Variants in LCOR observed in about 807,000 individuals in gnomAD.
LCOR encodes ligand dependent nuclear receptor corepressor, also known as ligand-dependent corepressor.
LCOR carries 14 observed loss-of-function variants against 64.4 expected under a neutral mutation model. The observed-to-expected ratio is 0.22, with a 90% CI of 0.14 to 0.34. The LOEUF is 0.34. Ranked by LOEUF, LCOR falls within the 10% of genes least tolerant of loss-of-function variation. LCOR has a pLI of 1.00. For missense variants in LCOR, 1,686 were observed against 1,765.3 expected (o/e 0.96, Z 0.80); for synonymous variants, 643 against 642.5 (o/e 1.00, Z -0.01).
chr10:96,833,308 C>A, intron 1 of LCOR, 98 bp from the exon 2 acceptor site: 1 of 948,416 alleles, frequency 1.1e-6, no homozygotes, highest in Non-Finnish European at 1.3e-6. Flanking sequence ...TTTTTCCCTG[C>A]GGGCCGGAGG....
intron 2 of LCOR, among the ~76,000 whole-genome samples, chr10:96,838,481 G>A (rs889677266): frequency 3.9e-5 from 6 of 152,022 alleles, no homozygotes; most frequent in East Asian, 3.8e-4. Context: ...TCCACATTCC[G>A]TTCTTCCTAT....
At chr10:96,832,856 G>GTCC (rs1400489636) in intron 1 of LCOR, 43 of 371,514 alleles carry the variant, frequency 1.2e-4, no homozygotes, top group Non-Finnish European at 1.4e-4. Flanking sequence ...GGCCGCCGCC[G>GTCC]TCCTCCTCCT....
At chr10:96,914,174 C>T (rs180719001) in intron 4 of LCOR, among the ~76,000 whole-genome samples, 83 of 152,118 alleles carry the variant, frequency 5.5e-4, no homozygotes, top group African/African-American at 2.0e-3. Flanking sequence ...TGGTTATATC[C>T]CTTTAACATT....
intron 6 of LCOR, among the ~76,000 whole-genome samples, chr10:96,950,351 ACCT>A (rs1433156682): frequency 6.6e-6 from 1 of 151,930 alleles, no homozygotes; most frequent in African/African-American, 2.4e-5. Flanking sequence ...TTGACAGGAG[ACCT>A]CCTACTTGTT....
At chr10:96,970,726 C>T (rs1847992490) in intron 7 of LCOR, among the ~76,000 whole-genome samples, 1 of 151,242 alleles carries the variant, frequency 6.6e-6, no homozygotes. Context: ...GTGGCATGAT[C>T]TCGGCTCACC....
intron 2 of LCOR, among the ~76,000 whole-genome samples, chr10:96,880,607 A>G (rs181841534): frequency 1.3e-5 from 2 of 152,314 alleles, no homozygotes; most frequent in Admixed American, 6.5e-5. Flanking sequence ...CCTGTTGGCC[A>G]GACTGGTCAC....
intron 2 of LCOR, among the ~76,000 whole-genome samples, chr10:96,865,874 C>CAAAAA (rs57814101): frequency 1.1e-5 from 1 of 89,006 alleles, no homozygotes; most frequent in East Asian, 2.9e-4. Flanking sequence ...GACTCTGTCT[C>CAAAAA]AAAAAAAAAA....
intron 4 of LCOR, among the ~76,000 whole-genome samples, chr10:96,916,816 T>C (rs1383612028): frequency 1.3e-5 from 2 of 152,020 alleles, no homozygotes; most frequent in Non-Finnish European, 2.9e-5. Flanking sequence ...GGTTTCACCA[T>C]GTTGGTCGGG....
intron 2 of LCOR, among the ~76,000 whole-genome samples, chr10:96,870,297 C>T (rs1846051408): frequency 6.6e-6 from 1 of 152,204 alleles, no homozygotes; most frequent in East Asian, 1.9e-4. Context: ...AGGCGTGAGC[C>T]ACCGCACCCG....
At chr10:96,855,297 T>G (rs1329695932) in intron 2 of LCOR, among the ~76,000 whole-genome samples, 1 of 152,208 alleles carries the variant, frequency 6.6e-6, no homozygotes, top group East Asian at 1.9e-4. Context: ...TCTGTGTACT[T>G]GGATCCAGCT....
chr10:96,973,909 C>T (rs1270490787), intron 7 of LCOR, among the ~76,000 whole-genome samples: 1 of 152,188 alleles, frequency 6.6e-6, no homozygotes, highest in Non-Finnish European at 1.5e-5. Flanking sequence ...CTTGTCACTT[C>T]ACCTCCATGC....
intron 2 of LCOR, among the ~76,000 whole-genome samples, chr10:96,906,309 C>T (rs575419126): frequency 6.6e-6 from 1 of 152,276 alleles, no homozygotes; most frequent in South Asian, 2.1e-4. Flanking sequence ...TTCGAGGCCG[C>T]ACTGAGAGTG....
intron 4 of LCOR, among the ~76,000 whole-genome samples, chr10:96,925,670 G>C (rs2134480934): frequency 1.3e-5 from 2 of 152,084 alleles, no homozygotes; most frequent in African/African-American, 4.8e-5. Flanking sequence ...ATGTCTGCCA[G>C]GTTTCTCCAC....
At chr10:96,877,026 A>G (rs1034993872) in intron 2 of LCOR, among the ~76,000 whole-genome samples, 3 of 152,172 alleles carry the variant, frequency 2.0e-5, no homozygotes, top group Admixed American at 2.0e-4. Context: ...TTCAGTCATT[A>G]TTATAATCAA....
chr10:96,969,764 TTTTTTTTTTC>T (rs1217391341), intron 7 of LCOR, among the ~76,000 whole-genome samples: 7 of 133,862 alleles, frequency 5.2e-5, no homozygotes, highest in African/African-American at 2.5e-4. Flanking sequence ...ATTTTCTTTC[TTTTTTTTTTC>T]TTTTTTTTTT....
chr10:96,850,094 G>A (rs1179734368), intron 2 of LCOR, among the ~76,000 whole-genome samples: 1 of 152,154 alleles, frequency 6.6e-6, no homozygotes, highest in African/African-American at 2.4e-5. Context: ...AATACAGTAG[G>A]ATAAATTATT....
Position 96,957,478 on chromosome 10 carries a change from CA to C in LCOR, c.332+5285del, listed in dbSNP as rs1847803504. 3 of 985,166 alleles carry C rather than the reference CA, an allele frequency of 3.0e-6. No homozygotes were observed. In the Admixed American group the frequency reaches 1.8e-4, roughly 61 times the overall value. The allele number at this position is 985,166 out of a possible 1,614,324, so 61.0% of individuals were successfully genotyped here. On this transcript the variant is annotated intron_variant, in intron 7 of 7. Coordinates refer to ENST00000421806, the MANE Select transcript of LCOR (RefSeq NM_001346516.2). ...GATTAAAATTACTATTTGTGCAAAA[CA>C]AATTCCACACCACATGTACTGTATA...
At chr10:96,965,719 A>G (rs1847942926) in intron 7 of LCOR, among the ~76,000 whole-genome samples, 1 of 148,648 alleles carries the variant, frequency 6.7e-6, no homozygotes, top group African/African-American at 2.5e-5. Flanking sequence ...CTTTGGTCTG[A>G]TGTTTATAAA....
At chr10:96,968,253 G>A (rs889445271) in intron 7 of LCOR, among the ~76,000 whole-genome samples, 1 of 152,014 alleles carries the variant, frequency 6.6e-6, no homozygotes, top group Non-Finnish European at 1.5e-5. Context: ...TGAGGGACTT[G>A]TCCCTCCTCA....
Sources: allele counts gnomAD v4.1 joint callset (sites outside exome capture counted in the v4.1 genomes callset), GRCh38; gene constraint gnomAD v4.1.1; transcripts MANE v1.5; gene names NCBI Gene and HGNC (gene_info 2026-07-23, HGNC 2026-07-21).